Variants in XRCC4 observed in about 807,000 individuals in gnomAD.
XRCC4 encodes the protein DNA repair protein XRCC4.
A neutral mutation model predicts 39.1 loss-of-function variants in XRCC4; 28 were observed. The ratio of observed to expected loss-of-function variants is 0.72; its 90% confidence interval spans 0.53 to 0.98. The LOEUF (loss-of-function observed/expected upper bound fraction) is 0.98, where lower values mean the gene tolerates loss of function less well. Among genes scored for constraint, XRCC4 ranks in the 50% least tolerant of loss-of-function variants. The probability of loss-of-function intolerance (pLI) is 0.00; values close to 1 mark genes in which losing one functional copy is unlikely to be tolerated. For missense variants in XRCC4, 350 were observed against 376.4 expected (o/e 0.93, Z 0.58); for synonymous variants, 123 against 126.4 (o/e 0.97, Z 0.18).
chr5:83,224,684 T>C (rs865963304), intron 6 of XRCC4, among the ~76,000 whole-genome samples: 3 of 152,198 alleles, frequency 2.0e-5, no homozygotes, highest in Non-Finnish European at 4.4e-5. Context: ...TTAGCCTTTT[T>C]TGTAATGCGT....
chr5:83,146,818 C>T (rs924878690), intron 3 of XRCC4, among the ~76,000 whole-genome samples: 1 of 151,964 alleles, frequency 6.6e-6, no homozygotes, highest in Non-Finnish European at 1.5e-5. Context: ...TTCTTTTTCC[C>T]CGAGTCCAGA....
At chr5:83,349,581 A>G (rs1043666826) in intron 7 of XRCC4, among the ~76,000 whole-genome samples, 3 of 152,152 alleles carry the variant, frequency 2.0e-5, no homozygotes, top group African/African-American at 7.2e-5. Context: ...TCAGAAGGAA[A>G]TGTAAATTAT....
chr5:83,117,510 A>T (rs1264414930), intron 3 of XRCC4, among the ~76,000 whole-genome samples: 16 of 152,166 alleles, frequency 1.1e-4, no homozygotes, highest in Non-Finnish European at 2.9e-5. Context: ...TGATAAGAAT[A>T]ACCTTGGGCT....
chr5:83,097,640 A>G (rs1181049640), intron 1 of XRCC4, among the ~76,000 whole-genome samples: 2 of 151,996 alleles, frequency 1.3e-5, no homozygotes, highest in Non-Finnish European at 2.9e-5. Flanking sequence ...GAAATAAGAG[A>G]GGTGTCAAAA....
At chr5:83,280,232 C>A in intron 7 of XRCC4, 1 of 327,480 alleles carries the variant, frequency 3.1e-6, no homozygotes. Flanking sequence ...TGCCCCAACA[C>A]AGGTGGAAAC....
chr5:83,079,486 TAG>T (rs1425998714), intron 1 of XRCC4, among the ~76,000 whole-genome samples: 1 of 152,168 alleles, frequency 6.6e-6, no homozygotes, highest in Non-Finnish European at 1.5e-5. Context: ...CTTTCCTTAC[TAG>T]AAATAAAATC....
chr5:83,218,921 A>G (rs530216185), intron 6 of XRCC4, among the ~76,000 whole-genome samples: 1 of 148,470 alleles, frequency 6.7e-6, no homozygotes, highest in African/African-American at 2.6e-5. Context: ...TTAGTTTGCC[A>G]GGGCTGCTGC....
intron 6 of XRCC4, among the ~76,000 whole-genome samples, chr5:83,214,785 C>T (rs555562035): frequency 5.3e-5 from 8 of 149,806 alleles, no homozygotes; most frequent in South Asian, 2.1e-4. Context: ...TGCAATGAGC[C>T]GAGATCGCGC....
chr5:83,231,914 C>G (rs1321977575), intron 6 of XRCC4, among the ~76,000 whole-genome samples: 1 of 151,984 alleles, frequency 6.6e-6, no homozygotes, highest in Non-Finnish European at 1.5e-5. Flanking sequence ...TCATTTGTTA[C>G]AGTTTAAATG....
intron 7 of XRCC4, among the ~76,000 whole-genome samples, chr5:83,262,856 T>TTA (rs1554069835): frequency 0.033 from 4,954 of 148,882 alleles, 252 homozygotes; most frequent in African/African-American, 0.12. Context: ...TTTTTTTTTT[T>TTA]TTATACTTTA....
chr5:83,249,633 T>C lies in XRCC4; in HGVS notation c.746-8897T>C, dbSNP rs78372796. On this transcript the variant is annotated intron_variant, in intron 6 of 7. Transcript: ENST00000396027. ...AAAGGTTTATCATTGTCAAATTCTG[T>C]TAAGTTCTTCTTCCTACCCCTGTTA... Among the ~76,000 whole-genome samples, 3 of 152,282 alleles carry C rather than the reference T, an allele frequency of 2.0e-5. No homozygotes were observed. The East Asian group carries it at 5.8e-4, about 29-fold the overall frequency.
At chr5:83,235,365 A>G (rs933917495) in intron 6 of XRCC4, among the ~76,000 whole-genome samples, 1 of 150,256 alleles carries the variant, frequency 6.7e-6, no homozygotes, top group Non-Finnish European at 1.5e-5. Context: ...AAAGAAAGGA[A>G]AAAAAAAAGT....
intron 7 of XRCC4, among the ~76,000 whole-genome samples, chr5:83,294,912 T>G (rs1755042230): frequency 6.6e-6 from 1 of 152,040 alleles, no homozygotes; most frequent in Non-Finnish European, 1.5e-5. Context: ...GGTGATATGA[T>G]AAAAATCCTT....
intron 3 of XRCC4, among the ~76,000 whole-genome samples, chr5:83,137,245 TA>T (rs1286760326): frequency 2.0e-5 from 3 of 152,180 alleles, no homozygotes; most frequent in African/African-American, 7.2e-5. Flanking sequence ...TTAAAAGGGA[TA>T]TTTTATATAT....
chr5:83,165,812 A>C (rs1166025703), intron 3 of XRCC4, among the ~76,000 whole-genome samples: 2 of 151,526 alleles, frequency 1.3e-5, no homozygotes, highest in Non-Finnish European at 2.9e-5. Flanking sequence ...AAAGGACATG[A>C]TCTCATTCTT....
At chr5:83,261,519 G>A (rs934020565) in intron 7 of XRCC4, among the ~76,000 whole-genome samples, 8 of 151,608 alleles carry the variant, frequency 5.3e-5, no homozygotes, top group African/African-American at 1.9e-4. Context: ...CATCTTACAT[G>A]TGATTCCACT....
At chr5:83,347,343 A>G (rs1756946395) in intron 7 of XRCC4, among the ~76,000 whole-genome samples, 1 of 152,176 alleles carries the variant, frequency 6.6e-6, no homozygotes, top group Non-Finnish European at 1.5e-5. Context: ...GGTAATTTAT[A>G]AAGAAAAGAG....
At chr5:83,276,438 CCATTCATTTATGAATGGATTAATG>C (rs1185306440) in intron 7 of XRCC4, among the ~76,000 whole-genome samples, 1 of 148,892 alleles carries the variant, frequency 6.7e-6, no homozygotes, top group Non-Finnish European at 1.5e-5. Context: ...AGGGATTAAT[CCATTCATTTATGAATGGATTAATG>C]CATTAATGGG....
chr5:83,146,142 G>C lies in XRCC4; in HGVS notation c.315+34939G>C, dbSNP rs543021865. On this transcript the variant is annotated intron_variant, in intron 3 of 7. Transcript: ENST00000396027. ...GCCTTGCCTAATTAAAGTCATGCCT[G>C]TATTTGAAAAGTGGAAAACTTCCAA... 2.1e-4 allele frequency among the ~76,000 whole-genome samples: 32 copies of C among 152,302 alleles called. No homozygotes were observed. The South Asian group carries it at 3.7e-3, about 18-fold the overall frequency.
Sources: gnomAD v4.1 joint callset for allele counts (sites outside exome capture counted in the v4.1 genomes callset) on GRCh38, gnomAD v4.1.1 for gene constraint, MANE v1.5 for transcripts, NCBI Gene and HGNC (gene_info 2026-07-23, HGNC 2026-07-21) for gene names.